The following HOOK3 variants were observed in gnomAD, a reference collection of about 807,000 sequenced individuals.
HOOK3 encodes hook microtubule tethering protein 3.
A neutral mutation model predicts 116.3 loss-of-function variants in HOOK3; 24 were observed. The ratio of observed to expected loss-of-function variants is 0.21; its 90% confidence interval spans 0.15 to 0.29. HOOK3 has a LOEUF of 0.29. HOOK3 is among the 10% of genes least tolerant of loss of function. The probability of loss-of-function intolerance (pLI) is 1.00; values close to 1 mark genes in which losing one functional copy is unlikely to be tolerated. For missense variants in HOOK3, 632 were observed against 830.2 expected (o/e 0.76, Z 2.93); for synonymous variants, 275 against 283.0 (o/e 0.97, Z 0.28).
chr8:42,961,261 A>G (rs1808529662), intron 8 of HOOK3, among the ~76,000 whole-genome samples: 1 of 152,234 alleles, frequency 6.6e-6, no homozygotes, highest in South Asian at 2.1e-4. Context: ...TCTGCATAGC[A>G]CTTTATATTC....
rs369935071 is a variant in HOOK3 at position 42,939,324 on chromosome 8, G to A, written c.268-3989G>A. Reference sequence around the variant, plus strand: ...CAGAGGCGCCCCTCACCTCCCGGACGGGGCGGCTGGTCGGGCGGGGGGCTG... The same window carrying A: ...CAGAGGCGCCCCTCACCTCCCGGACAGGGCGGCTGGTCGGGCGGGGGGCTG... On this transcript the variant is annotated intron_variant, in intron 4 of 21. Transcript: ENST00000307602. Among the ~76,000 whole-genome samples, 37 of 151,512 alleles carry A rather than the reference G, an allele frequency of 2.4e-4. No individual in the cohort carries two copies. In the East Asian group the frequency reaches 6.3e-3, roughly 26 times the overall value.
intron 1 of HOOK3, among the ~76,000 whole-genome samples, chr8:42,898,755 G>T (rs549770803): frequency 6.6e-6 from 1 of 152,168 alleles, no homozygotes; most frequent in Admixed American, 6.5e-5. Context: ...TCCTTAACTT[G>T]CGATGGGGTT....
chr8:42,985,668 C>T (rs1809036054), intron 14 of HOOK3, among the ~76,000 whole-genome samples: 1 of 151,716 alleles, frequency 6.6e-6, no homozygotes, highest in African/African-American at 2.4e-5. Flanking sequence ...TTGCTTGAAC[C>T]CAGGAGGTGG....
rs34161624 is a variant in HOOK3, at chr8:43,021,104, GA to G, written c.*2635del. On this transcript the variant is annotated 3_prime_UTR_variant, in exon 22 of 22. Coordinates refer to ENST00000307602, the MANE Select transcript of HOOK3 (RefSeq NM_032410.4). ...CGACAAGAGCGAAACTCTGTCGCAA[GA>G]AAAAAAAAAAAAAAAAAAAAAAAAA... is the stretch of plus-strand genomic sequence containing the variant. The G allele has an allele frequency of 0.1, 3,258 of 32,284 alleles. 81 individuals are homozygous for G. The highest frequency in any genetic ancestry group is 0.16 in the African/African-American group (1,685 of 10,662). 2.0% of individuals were successfully genotyped at this position (32,284 alleles called of 1,614,324 possible).
rs529121062 is a variant in HOOK3, at chr8:42,903,493, C to T, written c.58-2680C>T. On this transcript the variant is annotated intron_variant, in intron 1 of 21. Coordinates refer to ENST00000307602, the MANE Select transcript of HOOK3 (RefSeq NM_032410.4). The stretch of plus-strand genomic sequence containing the variant: ...CCGAGTAGCTGGGACTACAGGCGCC[C>T]GCCACAGCGCCCGACTAATTTTTTG... 2.7e-3 allele frequency among the ~76,000 whole-genome samples: 402 copies of T among 150,616 alleles called. 2 individuals carry two copies. The highest frequency in any genetic ancestry group is 4.8e-3 in the Non-Finnish European group (323 of 67,534).
At chr8:42,899,654 T>G (rs1484135239) in intron 1 of HOOK3, among the ~76,000 whole-genome samples, 1 of 152,138 alleles carries the variant, frequency 6.6e-6, no homozygotes, top group Non-Finnish European at 1.5e-5. Context: ...AAGAAAAGAC[T>G]CATTTAGATT....
chr8:42,975,168 T>G (rs1458966436), intron 13 of HOOK3, among the ~76,000 whole-genome samples: 2 of 152,168 alleles, frequency 1.3e-5, no homozygotes, highest in African/African-American at 4.8e-5. Flanking sequence ...CCCGCCTGTT[T>G]CCTAACAATG....
intron 15 of HOOK3, among the ~76,000 whole-genome samples, chr8:42,990,953 T>A (rs578193771): frequency 2.6e-4 from 40 of 152,330 alleles, no homozygotes; most frequent in African/African-American, 9.6e-4. Flanking sequence ...AAATCTTTGA[T>A]CCATTTTGAT....
chr8:42,993,415 G>A lies in HOOK3; in HGVS notation c.1533-4135G>A, dbSNP rs561071428. 3.3e-5 allele frequency among the ~76,000 whole-genome samples: 5 copies of A among 152,276 alleles called. No individual in the cohort carries two copies. The South Asian group carries it at 6.2e-4, about 19-fold the overall frequency. ...ACCTGCCTTGGCCTCCCAAAGTGTT[G>A]GGATTACAGGCGTGAGCCACTATGC... On this transcript the variant is annotated intron_variant, in intron 15 of 21. Coordinates refer to ENST00000307602, the MANE Select transcript of HOOK3 (RefSeq NM_032410.4).
At chr8:42,954,531 G>A (rs908159903) in intron 6 of HOOK3, among the ~76,000 whole-genome samples, 1 of 152,192 alleles carries the variant, frequency 6.6e-6, no homozygotes, top group Non-Finnish European at 1.5e-5. Context: ...GTGTAAAAGG[G>A]TATCTTAGGA....
chr8:42,957,869 G>A (rs950997112), intron 7 of HOOK3, among the ~76,000 whole-genome samples: 1 of 135,966 alleles, frequency 7.4e-6, no homozygotes, highest in African/African-American at 2.8e-5. Context: ...TTGGTCTATC[G>A]CCCAGGCTGG....
At chr8:43,004,382 GAAAGA>G (rs904381136) in intron 17 of HOOK3, among the ~76,000 whole-genome samples, 1 of 121,978 alleles carries the variant, frequency 8.2e-6, no homozygotes, top group East Asian at 2.4e-4. Context: ...AAAAAAAAAA[GAAAGA>G]AAAGAAAAAA....
rs1458404272 is a variant in HOOK3, at chr8:42,943,408, C to T, written c.363C>T (p.Leu121=). Reference sequence around the variant, plus strand: ...CAGAGCTTGGAAGGATGCTTCAGCTCATCTTAGGCTGTGCTGTGAACTGTG... The same window carrying T: ...CAGAGCTTGGAAGGATGCTTCAGCTTATCTTAGGCTGTGCTGTGAACTGTG... ...DAAELGRMLQ[L]ILGCAVNCEQ... The change falls in exon 5 of 22, where the codon CTC becomes CTT. Residue 121 remains leucine (L), a synonymous_variant. Transcript: ENST00000307602. 3.2e-6 allele frequency: 5 copies of T among 1,565,148 alleles called. No homozygotes were observed. The highest frequency in any genetic ancestry group is 3.7e-5 in the Admixed American group (2 of 54,494).
At chr8:42,988,533 T>A (rs143598465) in intron 15 of HOOK3, among the ~76,000 whole-genome samples, 5 of 152,344 alleles carry the variant, frequency 3.3e-5, no homozygotes, top group Non-Finnish European at 4.4e-5. Flanking sequence ...CAAGTTCCTG[T>A]GTGACTTACC....
chr8:42,999,920 GCAGATCACGAGGT>G (rs1563311372), intron 16 of HOOK3, among the ~76,000 whole-genome samples: 1 of 152,100 alleles, frequency 6.6e-6, no homozygotes, highest in African/African-American at 2.4e-5. Context: ...GCCGAGGCGG[GCAGATCACGAGGT>G]CAGGAGATCG....
rs1809889261 is a variant in HOOK3 at position 43,024,115 on chromosome 8, A to G, written c.*5617A>G. On this transcript the variant is annotated 3_prime_UTR_variant, in exon 22 of 22. Coordinates refer to ENST00000307602, the MANE Select transcript of HOOK3 (RefSeq NM_032410.4). ...AGTTTACAGCCACGTGGATAAGAAC[A>G]TCTTTGTTTCTAAAGTGAGAGGAAA... is the stretch of plus-strand genomic sequence containing the variant. The G allele has an allele frequency of 4.8e-6, 1 of 206,786 alleles. No individual in the cohort carries two copies. The highest frequency in any genetic ancestry group is 9.9e-6 in the Non-Finnish European group (1 of 101,342). 12.8% of individuals were successfully genotyped at this position (206,786 alleles called of 1,614,324 possible).
intron 4 of HOOK3, among the ~76,000 whole-genome samples, chr8:42,938,629 T>A (rs1435992897): frequency 6.6e-6 from 1 of 152,134 alleles, no homozygotes; most frequent in Non-Finnish European, 1.5e-5. Flanking sequence ...CTGTAAAGGG[T>A]TTTATTTCTC....
chr8:42,930,274 C>G, intron 4 of HOOK3, 102 bp downstream of exon 4: 1 of 1,036,772 alleles, frequency 9.6e-7, no homozygotes, highest in Non-Finnish European at 1.3e-6. Flanking sequence ...AATTAATAAT[C>G]AGTTTGTCGT....
At chr8:42,973,241 T>A (rs367844737) in intron 11 of HOOK3, 48 bp from the exon 12 acceptor site, 1 of 1,551,414 alleles carries the variant, frequency 6.4e-7, no homozygotes, top group African/African-American at 1.4e-5. Context: ...TAAGGATAAT[T>A]TCTAATGTCT....
Sources: allele counts gnomAD v4.1 joint callset (sites outside exome capture counted in the v4.1 genomes callset), GRCh38; gene constraint gnomAD v4.1.1; transcripts MANE v1.5; gene names NCBI Gene and HGNC (gene_info 2026-07-23, HGNC 2026-07-21).